The following CLDN16 variants were observed in gnomAD, a reference collection of about 807,000 sequenced individuals.
CLDN16 encodes the protein claudin-16.
Under a neutral mutation model 24.6 loss-of-function variants are expected in CLDN16, and 13 were observed. The observed-to-expected ratio is 0.53, with a 90% confidence interval of 0.34 to 0.84. CLDN16 has a LOEUF of 0.84. CLDN16 is among the 40% of genes least tolerant of loss of function. The probability of loss-of-function intolerance (pLI) is 0.01; values close to 1 mark genes in which losing one functional copy is unlikely to be tolerated. For missense variants in CLDN16, 298 were observed against 292.7 expected (o/e 1.02, Z -0.13); for synonymous variants, 116 against 106.7 (o/e 1.09, Z -0.54).
chr3:190,335,970 C>T (rs1206871081), intron 1 of CLDN16, among the ~76,000 whole-genome samples: 2 of 152,090 alleles, frequency 1.3e-5, no homozygotes, highest in Non-Finnish European at 2.9e-5. Flanking sequence ...CTTGAATGTT[C>T]TAACAGTACA....
chr3:190,308,552 C>A, the CLDN16 span: 1 of 968,594 alleles, frequency 1.0e-6, no homozygotes, highest in Non-Finnish European at 1.6e-6. Context: ...GAAAATAACC[C>A]CTGAATATCC....
At chr3:190,360,402 A>G (rs1717862193) in intron 1 of CLDN16, among the ~76,000 whole-genome samples, 1 of 151,924 alleles carries the variant, frequency 6.6e-6, no homozygotes, top group Non-Finnish European at 1.5e-5. Flanking sequence ...AGAAAGATTT[A>G]TCCGGTGTGA....
intron 1 of CLDN16, among the ~76,000 whole-genome samples, chr3:190,365,212 C>T (rs1198182186): frequency 6.6e-6 from 1 of 151,782 alleles, no homozygotes; most frequent in African/African-American, 2.4e-5. Context: ...GGTGATTGAT[C>T]AGCACCACTG....
intron 2 of CLDN16, among the ~76,000 whole-genome samples, chr3:190,402,964 C>T (rs977814148): frequency 2.0e-5 from 3 of 152,098 alleles, no homozygotes; most frequent in Admixed American, 6.6e-5. Context: ...AAGAAAAAAC[C>T]AACACATGTG....
At chr3:190,405,710 A>G (rs939422814) in intron 3 of CLDN16, among the ~76,000 whole-genome samples, 6 of 152,198 alleles carry the variant, frequency 3.9e-5, no homozygotes, top group Non-Finnish European at 8.8e-5. Flanking sequence ...AACAATAAAC[A>G]GATCATATTG....
At chr3:190,370,800 G>C (rs1224696755) in intron 1 of CLDN16, 2 of 151,734 alleles carry the variant, frequency 1.3e-5, no homozygotes, top group Admixed American at 6.6e-5. Context: ...CATCTAATCA[G>C]CTGCCAGTGT....
chr3:190,358,065 G>C lies in CLDN16; in HGVS notation n.122-12828G>C, dbSNP rs539195822. ...AGGATTCTAAAAATGAGACTGACTG[G>C]CACGTATTGGTGGATAAGCAGTATT... On this transcript the variant is annotated intron_variant and non_coding_transcript_variant, in intron 1 of 4. Coordinates refer to the CLDN16 transcript ENST00000468220. 2.6e-5 allele frequency among the ~76,000 whole-genome samples: 4 copies of C among 151,836 alleles called. No individual in the cohort carries two copies. The South Asian group carries it at 6.2e-4, about 24-fold the overall frequency.
At chr3:190,391,967 T>C (rs1278255794) in intron 1 of CLDN16, among the ~76,000 whole-genome samples, 1 of 152,104 alleles carries the variant, frequency 6.6e-6, no homozygotes, top group African/African-American at 2.4e-5. Context: ...CCTTATTAAC[T>C]GCCTTCTATT....
the CLDN16 span, among the ~76,000 whole-genome samples, chr3:190,298,348 T>TACACACACACACACACACACACACAC: frequency 3.8e-4 from 56 of 147,952 alleles, 1 homozygote; most frequent in Admixed American, 1.8e-3. Flanking sequence ...ATGTATATTA[T>TACACACACACACACACACACACACAC]ACACACACAC....
intron 1 of CLDN16, among the ~76,000 whole-genome samples, chr3:190,366,671 C>T (rs149870548): frequency 6.6e-6 from 1 of 152,018 alleles, no homozygotes; most frequent in African/African-American, 2.4e-5. Context: ...TTGGGATGAC[C>T]CTTCAGAGTT....
At chr3:190,390,577 C>T (rs1305698087) in intron 1 of CLDN16, among the ~76,000 whole-genome samples, 1 of 152,016 alleles carries the variant, frequency 6.6e-6, no homozygotes, top group Non-Finnish European at 1.5e-5. Flanking sequence ...AATCCGGCTC[C>T]CTTCTCTTTC....
intron 1 of CLDN16, among the ~76,000 whole-genome samples, chr3:190,350,072 G>T (rs1376518512): frequency 6.6e-6 from 1 of 152,046 alleles, no homozygotes; most frequent in African/African-American, 2.4e-5. Flanking sequence ...TAGATGAGCG[G>T]ACCAGGCACA....
At chr3:190,348,060 G>A (rs1329809900) in intron 1 of CLDN16, among the ~76,000 whole-genome samples, 2 of 148,348 alleles carry the variant, frequency 1.3e-5, no homozygotes, top group African/African-American at 5.0e-5. Context: ...TGGTTAACAA[G>A]GTGAAACCCC....
the CLDN16 span, among the ~76,000 whole-genome samples, chr3:190,312,056 G>A: frequency 6.6e-6 from 1 of 151,634 alleles, no homozygotes; most frequent in Non-Finnish European, 1.5e-5. Flanking sequence ...TCAGCCTCTG[G>A]AGTATATGGG....
At chr3:190,377,755 G>A (rs1307340692) in intron 3 of CLDN16, among the ~76,000 whole-genome samples, 3 of 151,936 alleles carry the variant, frequency 2.0e-5, no homozygotes, top group African/African-American at 7.2e-5. Flanking sequence ...AGGGTGAGCG[G>A]GCACCCTCTC....
chr3:190,397,339 A>G lies in CLDN16; in HGVS notation c.115-4998A>G, dbSNP rs994773218. Reference sequence around the variant, plus strand: ...ATATAAGTTGCATGTTAGAAGGAGAAATTTTAAATTTATAATCCTCTATTT... The same window carrying G: ...ATATAAGTTGCATGTTAGAAGGAGAGATTTTAAATTTATAATCCTCTATTT... On this transcript the variant is annotated intron_variant, in intron 1 of 4. Coordinates refer to ENST00000264734, the MANE Select transcript of CLDN16 (RefSeq NM_006580.4). 4.6e-5 allele frequency among the ~76,000 whole-genome samples: 7 copies of G among 152,218 alleles called. No homozygotes were observed. In the East Asian group the frequency reaches 5.8e-4, roughly 13 times the overall value.
At chr3:190,293,266 C>T in the CLDN16 span, among the ~76,000 whole-genome samples, 3 of 152,168 alleles carry the variant, frequency 2.0e-5, no homozygotes, top group Non-Finnish European at 4.4e-5. Context: ...ATCACAAGAA[C>T]AGTATGGGGG....
intron 1 of CLDN16, among the ~76,000 whole-genome samples, chr3:190,361,381 G>A (rs1485837643): frequency 1.3e-5 from 2 of 151,988 alleles, no homozygotes; most frequent in Admixed American, 6.6e-5. Context: ...CCTGTAAGCT[G>A]TTCTTGTTCA....
the CLDN16 span, among the ~76,000 whole-genome samples, chr3:190,292,939 G>A: frequency 6.6e-6 from 1 of 152,102 alleles, no homozygotes; most frequent in Non-Finnish European, 1.5e-5. Flanking sequence ...CCTCCAAACT[G>A]TTCCAACCTC....
Sources: gnomAD v4.1 joint callset for allele counts (sites outside exome capture counted in the v4.1 genomes callset) on GRCh38, gnomAD v4.1.1 for gene constraint, MANE v1.5 for transcripts, NCBI Gene and HGNC (gene_info 2026-07-23, HGNC 2026-07-21) for gene names.